RHCE: variants seen among roughly 807,000 people sequenced by gnomAD.
RHCE encodes the protein blood group Rh(CE) polypeptide.
RHCE carries 22 observed loss-of-function variants against 43.8 expected under a neutral mutation model. That is an observed-to-expected ratio of 0.50 (90% CI 0.36 to 0.72). The LOEUF (loss-of-function observed/expected upper bound fraction) is 0.72. Ranked by LOEUF, RHCE falls within the 30% of genes least tolerant of loss-of-function variation. The pLI is 0.00. For synonymous variants in RHCE, 156 were observed against 210.7 expected, an observed-to-expected ratio of 0.74 and a Z score of 2.25; for missense variants, 385 against 525.4, an observed-to-expected ratio of 0.73 and a Z score of 2.61.
chr1:25,423,327 C>T (rs2042781017), upstream of RHCE, among the ~76,000 whole-genome samples: 1 of 152,198 alleles, frequency 6.6e-6, no homozygotes. Context: ...ACCAGGCAGC[C>T]AACTGCACCT....
intron 7 of RHCE, among the ~76,000 whole-genome samples, chr1:25,378,727 C>T (rs946598056): frequency 1.4e-4 from 22 of 152,200 alleles, no homozygotes; most frequent in African/African-American, 4.8e-4. Context: ...CCCAGTTCCC[C>T]CTCTCTTTCT....
chr1:25,372,591 TTACCTC>T (rs1285439174), intron 8 of RHCE, among the ~76,000 whole-genome samples: 1 of 151,682 alleles, frequency 6.6e-6, no homozygotes, highest in African/African-American at 2.4e-5. Flanking sequence ...CTGGTGTACT[TTACCTC>T]TAGAAACCTA....
intron 8 of RHCE, among the ~76,000 whole-genome samples, chr1:25,374,129 T>C (rs1187129107): frequency 6.6e-6 from 1 of 150,594 alleles, no homozygotes; most frequent in African/African-American, 2.5e-5. Context: ...CCTGAATGTG[T>C]ATTTTCTTTT....
At chr1:25,378,516 G>A (rs1330078623) in intron 7 of RHCE, among the ~76,000 whole-genome samples, 1 of 152,132 alleles carries the variant, frequency 6.6e-6, no homozygotes, top group African/African-American at 2.4e-5. Flanking sequence ...TTGTCTATCC[G>A]GCATTCATTT....
At chr1:25,380,899 CTTTT>C (rs898980956) in intron 7 of RHCE, among the ~76,000 whole-genome samples, 23 of 128,892 alleles carry the variant, frequency 1.8e-4, no homozygotes, top group South Asian at 9.6e-4. Context: ...TTCTTTCTTC[CTTTT>C]TTTTTTTTTT....
intron 2 of RHCE, among the ~76,000 whole-genome samples, chr1:25,403,463 G>A (rs1284083018): frequency 6.6e-6 from 1 of 151,880 alleles, no homozygotes; most frequent in Non-Finnish European, 1.5e-5. Flanking sequence ...ACACTATTAC[G>A]ATTCCTTCCT....
chr1:25,407,902 C>G (rs200103035), intron 2 of RHCE, among the ~76,000 whole-genome samples: 3 of 123,558 alleles, frequency 2.4e-5, no homozygotes, highest in South Asian at 8.2e-4. Context: ...ACAAAGGCAT[C>G]TAAACAAAGC....
At chr1:25,404,169 CAA>C (rs3079571) in intron 2 of RHCE, among the ~76,000 whole-genome samples, 6 of 90,952 alleles carry the variant, frequency 6.6e-5, no homozygotes, top group Admixed American at 1.4e-4. Flanking sequence ...CTCTGTCTCA[CAA>C]AAAAAAAAAA....
intron 3 of RHCE, among the ~76,000 whole-genome samples, chr1:25,401,712 A>C (rs1646748447): frequency 6.6e-6 from 1 of 152,170 alleles, no homozygotes. Flanking sequence ...TCTGAGAATT[A>C]ATTACTTTTA....
chr1:25,424,040 T>TC (rs2042787228), upstream of RHCE, among the ~76,000 whole-genome samples: 1 of 152,124 alleles, frequency 6.6e-6, no homozygotes, highest in Non-Finnish European at 1.5e-5. Flanking sequence ...AGAGTTCCCA[T>TC]CCCACCACTC....
At chr1:25,425,878 C>T (rs1360401976) in intron 2 of RHCE, among the ~76,000 whole-genome samples, 2 of 152,232 alleles carry the variant, frequency 1.3e-5, no homozygotes, top group Admixed American at 6.5e-5. Context: ...AGGGTGTGAC[C>T]TTGCTCTGGG....
At position 25,385,617 on chromosome 1, in the gene RHCE, C is replaced by T. The variant is rs549324075; in HGVS notation, c.1073+94G>A. On this transcript the variant is annotated intron_variant, in intron 7 of 9. Coordinates refer to ENST00000294413, the MANE Select transcript of RHCE (RefSeq NM_020485.8). Reference sequence around the variant, plus strand: ...CCGAAGCCTACTGAGCACCTGGCCCCGAGTGCACACGCCCCAGCTAAGGAC... The same window carrying T: ...CCGAAGCCTACTGAGCACCTGGCCCTGAGTGCACACGCCCCAGCTAAGGAC... The T allele has an allele frequency of 3.4e-4, 531 of 1,575,874 alleles. 5 individuals carry two copies. The highest frequency in any genetic ancestry group is 2.3e-3 in the South Asian group (209 of 90,118).
At chr1:25,373,329 A>T (rs1645671821) in intron 8 of RHCE, among the ~76,000 whole-genome samples, 1 of 151,730 alleles carries the variant, frequency 6.6e-6, no homozygotes, top group Admixed American at 6.6e-5. Context: ...AGGGTTGCCA[A>T]ATAAAATGCA....
chr1:25,376,186 C>T (rs758696377), intron 7 of RHCE, among the ~76,000 whole-genome samples: 26 of 152,074 alleles, frequency 1.7e-4, no homozygotes, highest in Non-Finnish European at 3.2e-4. Flanking sequence ...ACCCATCTCC[C>T]CTGCCCATCC....
At chr1:25,430,075 C>T (rs2042839738) in exon 1 of RHCE, 1 of 151,818 alleles carries the variant, frequency 6.6e-6, no homozygotes, top group Non-Finnish European at 1.5e-5. Context: ...GCCCGGAGGC[C>T]GATGCTTCGC....
At chr1:25,423,199 C>G (rs1205802158), upstream of RHCE, among the ~76,000 whole-genome samples, 1 of 152,204 alleles carries the variant, frequency 6.6e-6, no homozygotes, top group Non-Finnish European at 1.5e-5. Context: ...CTGATCTCTG[C>G]TCTATTTCTG....
chr1:25,396,364 T>C (rs1288039036), intron 3 of RHCE, among the ~76,000 whole-genome samples: 2 of 152,204 alleles, frequency 1.3e-5, no homozygotes, highest in Admixed American at 6.5e-5. Context: ...AATAAGGTAA[T>C]CATAATATAT....
At chr1:25,381,096 C>T (rs1449198451) in intron 7 of RHCE, among the ~76,000 whole-genome samples, 2 of 151,960 alleles carry the variant, frequency 1.3e-5, no homozygotes, top group East Asian at 1.9e-4. Context: ...TCTTATCAAT[C>T]GGTAGCTTGG....
chr1:25,411,165 T>C (rs1647063023), intron 1 of RHCE, among the ~76,000 whole-genome samples: 1 of 151,694 alleles, frequency 6.6e-6, no homozygotes, highest in Admixed American at 6.5e-5. Flanking sequence ...CCTGTGGTCT[T>C]CTAAGTTGCT....
Sources: gnomAD v4.1 joint callset for allele counts (sites outside exome capture counted in the v4.1 genomes callset) on GRCh38, gnomAD v4.1.1 for gene constraint, MANE v1.5 for transcripts, NCBI Gene and HGNC (gene_info 2026-07-23, HGNC 2026-07-21) for gene names.